THRB: variants seen among roughly 807,000 people sequenced by gnomAD.
The protein encoded by THRB is nuclear receptor subfamily 1 group A member 2.
THRB carries 12 observed loss-of-function variants against 47.8 expected under a neutral mutation model. The observed-to-expected ratio is 0.25, with a 90% CI of 0.16 to 0.41. The LOEUF (loss-of-function observed/expected upper bound fraction) is 0.41, where lower values mean the gene tolerates loss of function less well. Ranked by LOEUF, THRB falls within the 10% of genes least tolerant of loss-of-function variation. The pLI is 1.00. For missense variants in THRB, 348 were observed against 589.2 expected (o/e 0.59, Z 4.24); for synonymous variants, 218 against 212.2 (o/e 1.03, Z -0.24).
chr3:24,417,341 C>T (rs1369219351), intron 1 of THRB, among the ~76,000 whole-genome samples: 2 of 151,862 alleles, frequency 1.3e-5, no homozygotes, highest in Admixed American at 1.3e-4. Context: ...CCTGTCTGGG[C>T]TTCTAATTCC....
At chr3:24,252,131 C>A (rs550443772) in intron 3 of THRB, among the ~76,000 whole-genome samples, 1 of 152,170 alleles carries the variant, frequency 6.6e-6, no homozygotes, top group South Asian at 2.1e-4. Flanking sequence ...TAAAAACCCA[C>A]AGGGAAGTAA....
rs372990480 is a variant in THRB at position 24,308,972 on chromosome 3, C to T, written c.-188-11601G>A. Reference sequence around the variant, plus strand: ...ACTGCCATACCCATGCTACTCAGGCCCCAAACAGAACCTCTGCCCTTGGTG... The same window carrying T: ...ACTGCCATACCCATGCTACTCAGGCTCCAAACAGAACCTCTGCCCTTGGTG... On this transcript the variant is annotated intron_variant, in intron 2 of 10. Transcript: ENST00000646209. 2.6e-4 allele frequency among the ~76,000 whole-genome samples: 40 copies of T among 152,144 alleles called. 1 individual carries two copies. The South Asian group carries it at 6.2e-3, about 24-fold the overall frequency.
chr3:24,454,942 G>T (rs1307754045), intron 1 of THRB, among the ~76,000 whole-genome samples: 1 of 152,054 alleles, frequency 6.6e-6, no homozygotes, highest in Non-Finnish European at 1.5e-5. Flanking sequence ...CATAGAAAAT[G>T]TAGAGTAGTG....
intron 2 of THRB, among the ~76,000 whole-genome samples, chr3:24,323,829 G>A (rs1368368431): frequency 6.6e-6 from 1 of 152,148 alleles, no homozygotes; most frequent in East Asian, 1.9e-4. Flanking sequence ...GCAATCAGTG[G>A]ACCAAACTTA....
At chr3:24,136,415 C>A (rs2034683491) in intron 8 of THRB, among the ~76,000 whole-genome samples, 1 of 152,028 alleles carries the variant, frequency 6.6e-6, no homozygotes, top group Admixed American at 6.6e-5. Context: ...TGAATTGACC[C>A]GAGTTATTAT....
At chr3:24,475,378 A>G (rs1214671296) in intron 1 of THRB, among the ~76,000 whole-genome samples, 1 of 152,170 alleles carries the variant, frequency 6.6e-6, no homozygotes, top group Admixed American at 6.5e-5. Flanking sequence ...AAGTGCTACC[A>G]TTTGCAATAT....
chr3:24,453,581 T>G (rs1292628052), intron 1 of THRB, among the ~76,000 whole-genome samples: 1 of 152,218 alleles, frequency 6.6e-6, no homozygotes, highest in African/African-American at 2.4e-5. Context: ...CTACCTCATT[T>G]TCACACATCA....
At chr3:24,359,193 G>T (rs2063901671) in intron 1 of THRB, among the ~76,000 whole-genome samples, 1 of 152,138 alleles carries the variant, frequency 6.6e-6, no homozygotes, top group Non-Finnish European at 1.5e-5. Flanking sequence ...ACTCAGTGAA[G>T]TTCAGTTGGT....
chr3:24,358,058 C>T (rs1203560893), intron 1 of THRB, among the ~76,000 whole-genome samples: 1 of 152,078 alleles, frequency 6.6e-6, no homozygotes, highest in Non-Finnish European at 1.5e-5. Context: ...ATATCCTTAG[C>T]CCAGAGAACA....
intron 4 of THRB, among the ~76,000 whole-genome samples, chr3:24,202,707 C>T (rs537729055): frequency 6.6e-6 from 1 of 152,328 alleles, no homozygotes; most frequent in East Asian, 1.9e-4. Flanking sequence ...ATTTCATTTA[C>T]TGTTTCATTT....
At chr3:24,330,187 G>T (rs2061831953) in intron 2 of THRB, among the ~76,000 whole-genome samples, 1 of 151,870 alleles carries the variant, frequency 6.6e-6, no homozygotes, top group African/African-American at 2.4e-5. Flanking sequence ...GGCGCCTGTA[G>T]TCCCAGCTAC....
At chr3:24,409,314 T>G (rs2068084892) in intron 1 of THRB, among the ~76,000 whole-genome samples, 1 of 151,906 alleles carries the variant, frequency 6.6e-6, no homozygotes, top group Non-Finnish European at 1.5e-5. Context: ...TGGGTATCAT[T>G]TTTATTTGTT....
intron 4 of THRB, among the ~76,000 whole-genome samples, chr3:24,213,262 T>C (rs1278115116): frequency 6.6e-6 from 1 of 152,182 alleles, no homozygotes; most frequent in African/African-American, 2.4e-5. Flanking sequence ...CATGTGGTGT[T>C]CAAAAGCCTT....
At chr3:24,232,556 C>T (rs1156274544) in intron 3 of THRB, among the ~76,000 whole-genome samples, 3 of 152,128 alleles carry the variant, frequency 2.0e-5, no homozygotes, top group Non-Finnish European at 2.9e-5. Flanking sequence ...TGTTCTCATC[C>T]TTGTGCTCCT....
chr3:24,236,248 T>C (rs2048865914), intron 3 of THRB, among the ~76,000 whole-genome samples: 1 of 152,206 alleles, frequency 6.6e-6, no homozygotes, highest in East Asian at 1.9e-4. Context: ...GCTCCTGGAC[T>C]GGGCGTCATT....
chr3:24,374,215 G>A (rs2065120524), intron 1 of THRB, among the ~76,000 whole-genome samples: 1 of 151,558 alleles, frequency 6.6e-6, no homozygotes, highest in South Asian at 2.1e-4. Context: ...TTTGTACTAT[G>A]CTATATTAAT....
At chr3:24,354,990 G>T (rs2063580750) in intron 1 of THRB, among the ~76,000 whole-genome samples, 2 of 152,138 alleles carry the variant, frequency 1.3e-5, no homozygotes, top group African/African-American at 2.4e-5. Flanking sequence ...AGGAGGAAAA[G>T]ACATTTGTAT....
intron 3 of THRB, among the ~76,000 whole-genome samples, chr3:24,242,408 G>T (rs367651761): frequency 6.6e-6 from 1 of 151,808 alleles, no homozygotes; most frequent in Non-Finnish European, 1.5e-5. Flanking sequence ...TACTTGTACC[G>T]ATGCAACACA....
intron 3 of THRB, among the ~76,000 whole-genome samples, chr3:24,258,428 C>T (rs1442558191): frequency 2.0e-5 from 3 of 152,202 alleles, no homozygotes; most frequent in Admixed American, 6.5e-5. Flanking sequence ...TCCCAACCCA[C>T]AGTCCAGTCC....
Sources: allele counts gnomAD v4.1 joint callset (sites outside exome capture counted in the v4.1 genomes callset), GRCh38; gene constraint gnomAD v4.1.1; transcripts MANE v1.5; gene names NCBI Gene and HGNC (gene_info 2026-07-23, HGNC 2026-07-21).